The following RAB8B variants were observed in gnomAD, a reference collection of about 807,000 sequenced individuals.
RAB8B encodes the protein RAB8B, member RAS oncogene family.
A neutral mutation model predicts 32.0 loss-of-function variants in RAB8B; 11 were observed. The ratio of observed to expected loss-of-function variants is 0.34; its 90% CI spans 0.22 to 0.57. The LOEUF (loss-of-function observed/expected upper bound fraction) is 0.57. RAB8B is among the 20% of genes least tolerant of loss of function. The probability of loss-of-function intolerance (pLI) is 0.86; values close to 1 mark genes in which losing one functional copy is unlikely to be tolerated. For missense variants in RAB8B, 190 were observed against 258.5 expected (o/e 0.73, Z 1.82); for synonymous variants, 103 against 89.6 (o/e 1.15, Z -0.85).
In RAB8B at chr15:63,259,568, A is replaced by C; in HGVS notation, c.415-59A>C. 1.4e-6 allele frequency: 2 copies of C among 1,408,898 alleles called. No homozygotes were observed. The highest frequency in any genetic ancestry group is 2.0e-6 in the Non-Finnish European group (2 of 998,704). 87.3% of individuals were successfully genotyped at this position (1,408,898 alleles called of 1,614,324 possible). A position where few individuals can be genotyped will look rare whatever the true frequency, so the allele number is the denominator to read the frequency against. On this transcript the variant is annotated intron_variant, in intron 5 of 7. Transcript: ENST00000321437. The surrounding 1 kb of genome is among the most constrained non-coding windows in gnomAD (Gnocchi z 4.4). Reference sequence around the variant, plus strand: ...GACTTTGAAAAACCTAAGAAATACAAATGCATTATGTGTTCAAGTATCTTT... The same window carrying C: ...GACTTTGAAAAACCTAAGAAATACACATGCATTATGTGTTCAAGTATCTTT...
At chr15:63,234,123 G>A (rs2037958639) in intron 1 of RAB8B, among the ~76,000 whole-genome samples, 3 of 152,106 alleles carry the variant, frequency 2.0e-5, no homozygotes. Context: ...TTCCCCAGGA[G>A]ACCCAAGATA....
At position 63,267,578 on chromosome 15, in the gene RAB8B, T is replaced by A. The variant is rs1349414428; in HGVS notation, c.*3959T>A. ...CTACTGTACATGTTTAAACATATTT[T>A]ATTTTTGCTCCAATGGCTTAATGTG... On this transcript the variant is annotated 3_prime_UTR_variant, in exon 8 of 8. Coordinates refer to ENST00000321437, the MANE Select transcript of RAB8B (RefSeq NM_016530.3). 2.0e-5 allele frequency: 3 copies of A among 152,220 alleles called. No homozygotes were observed. The highest frequency in any genetic ancestry group is 7.2e-5 in the African/African-American group (3 of 41,456). 9.4% of individuals were successfully genotyped at this position (152,220 alleles called of 1,614,324 possible). A position where few individuals can be genotyped will look rare whatever the true frequency, so the allele number is the denominator to read the frequency against.
rs150384943 is a variant in RAB8B, at chr15:63,252,328, C to T, written c.246+2623C>T. Among the ~76,000 whole-genome samples, 640 of 152,218 alleles carry T rather than the reference C, an allele frequency of 4.2e-3. 3 individuals carry two copies. The highest frequency in any genetic ancestry group is 0.015 in the African/African-American group (617 of 41,542). On this transcript the variant is annotated intron_variant, in intron 3 of 7. Transcript: ENST00000321437. ...TAGTTTACAAATATCTCAGTAGATCCTCAAAATGATCAAGCGTGGAAGAAG... is the reference window on the plus strand; with the variant it reads ...TAGTTTACAAATATCTCAGTAGATCTTCAAAATGATCAAGCGTGGAAGAAG...
intron 1 of RAB8B, among the ~76,000 whole-genome samples, chr15:63,194,511 G>C (rs989882788): frequency 4.6e-5 from 7 of 152,220 alleles, no homozygotes; most frequent in African/African-American, 1.7e-4. Context: ...GAATAACTCA[G>C]CGCATAGCTG....
intron 1 of RAB8B, among the ~76,000 whole-genome samples, chr15:63,202,896 C>G (rs569139342): frequency 2.0e-5 from 3 of 152,358 alleles, no homozygotes; most frequent in Admixed American, 6.5e-5. Context: ...CCGAGCAACT[C>G]AGCTTTTTAT....
chr15:63,243,623 T>TG (rs903567921), intron 1 of RAB8B, among the ~76,000 whole-genome samples: 26 of 152,294 alleles, frequency 1.7e-4, no homozygotes, highest in Admixed American at 1.6e-3. Context: ...TAGAATCATC[T>TG]GGGAAACTTT....
intron 1 of RAB8B, among the ~76,000 whole-genome samples, chr15:63,228,356 T>C (rs1053787773): frequency 6.6e-6 from 1 of 152,216 alleles, no homozygotes; most frequent in African/African-American, 2.4e-5. Flanking sequence ...TGCTGCCCTC[T>C]CCTGTTTTAC....
Position 63,264,295 on chromosome 15 carries a change from C to G in RAB8B, c.*676C>G, listed in dbSNP as rs1353609906. ...TTTAAAATGATTACCTCTGCCTAAT[C>G]TATAGAAACTGCATTTGGAAATCAC... On this transcript the variant is annotated 3_prime_UTR_variant, in exon 8 of 8. Transcript: ENST00000321437. The G allele has an allele frequency of 6.6e-6, 1 of 152,206 alleles. No homozygotes were observed. The highest frequency in any genetic ancestry group is 1.9e-4 in the East Asian group (1 of 5,200). The allele number at this position is 152,206 out of a possible 1,614,324, so 9.4% of individuals were successfully genotyped here.
At chr15:63,244,188 T>C (rs905043412) in intron 1 of RAB8B, among the ~76,000 whole-genome samples, 10 of 152,248 alleles carry the variant, frequency 6.6e-5, no homozygotes, top group African/African-American at 2.4e-4. Flanking sequence ...CCATTCTTCC[T>C]GTTTCAGCTC....
intron 1 of RAB8B, 88 bp from the exon 2 acceptor site, chr15:63,244,667 CT>C: frequency 9.4e-7 from 1 of 1,065,462 alleles, no homozygotes; most frequent in Non-Finnish European, 1.4e-6. Context: ...CGTTGGAGAG[CT>C]TTTTTTCAAT....
At chr15:63,220,801 T>C (rs1329221083) in intron 1 of RAB8B, among the ~76,000 whole-genome samples, 1 of 152,210 alleles carries the variant, frequency 6.6e-6, no homozygotes, top group East Asian at 1.9e-4. Flanking sequence ...CCAAATGAAG[T>C]ACTGTAAGTA....
chr15:63,202,643 G>A (rs1404373505), intron 1 of RAB8B, among the ~76,000 whole-genome samples: 4 of 152,228 alleles, frequency 2.6e-5, no homozygotes, highest in Non-Finnish European at 5.9e-5. Flanking sequence ...GTTGGCCTTA[G>A]ACTACTAAGT....
intron 1 of RAB8B, among the ~76,000 whole-genome samples, chr15:63,225,234 A>T (rs1013453741): frequency 6.6e-6 from 1 of 152,176 alleles, no homozygotes; most frequent in African/African-American, 2.4e-5. Context: ...TAGTATTACC[A>T]TTCCTTATAA....
intron 6 of RAB8B, among the ~76,000 whole-genome samples, chr15:63,262,428 A>G (rs1242833383): frequency 6.6e-6 from 1 of 152,134 alleles, no homozygotes; most frequent in African/African-American, 2.4e-5. Context: ...GTAAAGCTTT[A>G]AAGTGGTATA....
At chr15:63,261,065 A>G (rs2038199528) in intron 6 of RAB8B, among the ~76,000 whole-genome samples, 1 of 152,212 alleles carries the variant, frequency 6.6e-6, no homozygotes, top group South Asian at 2.1e-4. Flanking sequence ...CTTGATACAA[A>G]AGGATTTCCC....
At chr15:63,234,692 G>C (rs1396133315) in intron 1 of RAB8B, among the ~76,000 whole-genome samples, 2 of 152,188 alleles carry the variant, frequency 1.3e-5, no homozygotes, top group Non-Finnish European at 2.9e-5. Context: ...TGCGAGCTCT[G>C]ATGCCCTGTG....
intron 1 of RAB8B, among the ~76,000 whole-genome samples, chr15:63,231,254 G>C (rs947377134): frequency 1.3e-5 from 2 of 152,132 alleles, no homozygotes; most frequent in African/African-American, 4.8e-5. Flanking sequence ...GTTGTACTAT[G>C]TAGTGTTATT....
In RAB8B at chr15:63,248,573, G is replaced by A. The variant is rs1211016507; in HGVS notation, c.186-1072G>A. Among the ~76,000 whole-genome samples, 1 of 152,080 alleles carries A rather than the reference G, an allele frequency of 6.6e-6. No homozygotes were observed. Among genetic ancestry groups the A allele is most frequent in the South Asian group, 2.1e-4 (1 of 4,824 alleles). On this transcript the variant is annotated intron_variant, in intron 2 of 7. Transcript: ENST00000321437. The surrounding 1 kb of genome is among the most constrained non-coding windows in gnomAD (Gnocchi z 4.4). ...TATGAGCTGTTTAGTGGCACAGCTG[G>A]GGCCATAGTTCCTCTGAGCCTGTTT...
At chr15:63,257,104 C>T (rs961712674) in intron 5 of RAB8B, among the ~76,000 whole-genome samples, 5 of 152,038 alleles carry the variant, frequency 3.3e-5, no homozygotes, top group Non-Finnish European at 5.9e-5. Flanking sequence ...TGGGCATGGG[C>T]ATTTCTCTCT....
Sources: gnomAD v4.1 joint callset for allele counts (sites outside exome capture counted in the v4.1 genomes callset) on GRCh38, gnomAD v4.1.1 for gene constraint, Gnocchi (gnomAD v3.1) non-coding constraint, MANE v1.5 for transcripts, NCBI Gene and HGNC (gene_info 2026-07-23, HGNC 2026-07-21) for gene names.